EPHA6: variants seen among roughly 807,000 people sequenced by gnomAD.
The protein encoded by EPHA6 is ephrin type-A receptor 6.
A neutral mutation model predicts 112.0 loss-of-function variants in EPHA6; 50 were observed. The ratio of observed to expected loss-of-function variants is 0.45; its 90% confidence interval spans 0.36 to 0.56. The LOEUF (loss-of-function observed/expected upper bound fraction) is 0.56, where lower values mean the gene tolerates loss of function less well. Among genes scored for constraint, EPHA6 ranks in the 20% least tolerant of loss-of-function variants. EPHA6 has a pLI of 0.00. For synonymous variants in EPHA6, 529 were observed against 490.7 expected, an observed-to-expected ratio of 1.08 and a Z score of -1.03; for missense variants, 1,280 against 1,417.4, an observed-to-expected ratio of 0.90 and a Z score of 1.56.
rs985500996 is a variant in EPHA6 at position 96,907,487 on chromosome 3, G to C, written c.450+40598G>C. Among the ~76,000 whole-genome samples the C allele has an allele frequency of 2.4e-4, 27 of 111,680 alleles. No homozygotes were observed. In the Admixed American group the frequency reaches 2.5e-3, roughly 11 times the overall value. The allele number at this position is 111,680 out of a possible 152,430, so 73.3% of individuals were successfully genotyped here. On this transcript the variant is annotated intron_variant, in intron 2 of 17. Transcript: ENST00000389672. ...TTTACTAGGAAAAAAAATTCATTTT[G>C]ATATTTCTCTCCTGTTATTATTTAT...
intron 3 of EPHA6, among the ~76,000 whole-genome samples, chr3:97,128,625 A>G (rs1486725037): frequency 6.6e-6 from 1 of 151,896 alleles, no homozygotes; most frequent in Non-Finnish European, 1.5e-5. Flanking sequence ...TTCGATTCTC[A>G]TGTGTCAACC....
In EPHA6 at chr3:97,623,805, T is replaced by A. The variant is rs1408641639; in HGVS notation, c.2574+12951T>A. Among the ~76,000 whole-genome samples, 7 of 151,712 alleles carry A rather than the reference T, an allele frequency of 4.6e-5. 1 individual carries two copies. Among genetic ancestry groups the A allele is most frequent in the African/African-American group, 1.7e-4 (7 of 41,400 alleles). ...GGAAAGGACACATACATCCAAGCCA[T>A]AGCAATCATACATGAAAAGGTTTAT... On this transcript the variant is annotated intron_variant, in intron 13 of 17. Coordinates refer to ENST00000389672, the MANE Select transcript of EPHA6 (RefSeq NM_001080448.3).
chr3:97,462,646 T>C (rs1417201226), intron 7 of EPHA6, among the ~76,000 whole-genome samples: 1 of 152,204 alleles, frequency 6.6e-6, no homozygotes, highest in African/African-American at 2.4e-5. Context: ...AGGTATTAGG[T>C]ATGTTATCAC....
At chr3:97,142,642 A>G (rs1460471304) in intron 3 of EPHA6, among the ~76,000 whole-genome samples, 2 of 151,938 alleles carry the variant, frequency 1.3e-5, no homozygotes, top group African/African-American at 4.8e-5. Flanking sequence ...GAACAAACCA[A>G]TAATAAGTAA....
intron 2 of EPHA6, among the ~76,000 whole-genome samples, chr3:96,967,199 C>T (rs1166819388): frequency 6.6e-6 from 1 of 150,834 alleles, no homozygotes; most frequent in Non-Finnish European, 1.5e-5. Context: ...CACACACACA[C>T]ACACACACTT....
chr3:97,203,221 T>C (rs2077626063), intron 3 of EPHA6, among the ~76,000 whole-genome samples: 1 of 152,122 alleles, frequency 6.6e-6, no homozygotes, highest in Admixed American at 6.6e-5. Flanking sequence ...AATTATGTTG[T>C]AAGGTGGTAG....
At chr3:97,710,517 C>T (rs1200917745) in intron 14 of EPHA6, among the ~76,000 whole-genome samples, 2 of 152,230 alleles carry the variant, frequency 1.3e-5, no homozygotes, top group Non-Finnish European at 2.9e-5. Context: ...CTGAGCTCTG[C>T]ACTAACACTT....
At chr3:97,054,163 AAC>A (rs138411869) in intron 3 of EPHA6, among the ~76,000 whole-genome samples, 12,986 of 144,810 alleles carry the variant, frequency 0.09, 1,044 homozygotes, top group African/African-American at 0.22. Flanking sequence ...ATAACTATCT[AAC>A]ACACACACAC....
At chr3:97,049,527 T>G in intron 3 of EPHA6, among the ~76,000 whole-genome samples, 1 of 152,190 alleles carries the variant, frequency 6.6e-6, no homozygotes, top group East Asian at 1.9e-4. Flanking sequence ...GATTTAGTAA[T>G]CTCGTTTTAC....
intron 3 of EPHA6, among the ~76,000 whole-genome samples, chr3:97,068,154 CAAAAAAAAAAGAA>C (rs1220891451): frequency 6.6e-5 from 4 of 61,016 alleles, no homozygotes; most frequent in African/African-American, 4.1e-4. Context: ...GACTCCATCT[CAAAAAAAAAAGAA>C]AAAAAAAAAA....
At chr3:97,357,687 C>T (rs2084157076) in intron 5 of EPHA6, among the ~76,000 whole-genome samples, 1 of 152,156 alleles carries the variant, frequency 6.6e-6, no homozygotes, top group African/African-American at 2.4e-5. Context: ...TTTGACTCTA[C>T]AAAACCTTAA....
intron 10 of EPHA6, among the ~76,000 whole-genome samples, chr3:97,497,092 C>T (rs1286066564): frequency 1.3e-5 from 2 of 152,162 alleles, no homozygotes; most frequent in African/African-American, 4.8e-5. Flanking sequence ...GGTATGTTCT[C>T]CTAACATGGA....
At chr3:96,816,377 C>A (rs773090606) in intron 1 of EPHA6, among the ~76,000 whole-genome samples, 2 of 152,116 alleles carry the variant, frequency 1.3e-5, no homozygotes, top group Non-Finnish European at 2.9e-5. Flanking sequence ...TCCTGTTTTG[C>A]TGTGGTGGTA....
chr3:97,495,993 G>A (rs1413842740), intron 10 of EPHA6, among the ~76,000 whole-genome samples: 1 of 152,052 alleles, frequency 6.6e-6, no homozygotes, highest in African/African-American at 2.4e-5. Context: ...CATTTCATCA[G>A]TCTTTATTCA....
At chr3:97,027,892 T>C (rs988801396) in intron 3 of EPHA6, among the ~76,000 whole-genome samples, 1 of 152,150 alleles carries the variant, frequency 6.6e-6, no homozygotes, top group African/African-American at 2.4e-5. Flanking sequence ...TGATATGCAA[T>C]TGGGACACAA....
chr3:97,544,058 C>T (rs921231632), intron 11 of EPHA6, among the ~76,000 whole-genome samples: 2 of 152,138 alleles, frequency 1.3e-5, no homozygotes, highest in Admixed American at 1.3e-4. Flanking sequence ...TTGACTTCCT[C>T]TTTTCCTAAT....
intron 2 of EPHA6, among the ~76,000 whole-genome samples, chr3:96,974,276 A>T (rs2042434293): frequency 6.7e-6 from 1 of 148,844 alleles, no homozygotes; most frequent in Admixed American, 6.7e-5. Flanking sequence ...TTTTTGGCCT[A>T]GTTTATTTAG....
At chr3:97,117,034 A>C (rs2047909019) in intron 3 of EPHA6, among the ~76,000 whole-genome samples, 1 of 151,644 alleles carries the variant, frequency 6.6e-6, no homozygotes, top group South Asian at 2.1e-4. Flanking sequence ...TAACCATATG[A>C]AGTAATATCT....
intron 12 of EPHA6, among the ~76,000 whole-genome samples, chr3:97,607,184 C>CA (rs11437335): frequency 0.31 from 26,352 of 85,694 alleles, 3,052 homozygotes; most frequent in African/African-American, 0.44. Flanking sequence ...TTGTCTGAGG[C>CA]AAAAAAAAAA....
Sources: allele counts gnomAD v4.1 joint callset (sites outside exome capture counted in the v4.1 genomes callset), GRCh38; gene constraint gnomAD v4.1.1; transcripts MANE v1.5; gene names NCBI Gene and HGNC (gene_info 2026-07-23, HGNC 2026-07-21).